The following CACNA1C variants were observed in gnomAD, a reference collection of about 807,000 sequenced individuals.
CACNA1C encodes the protein voltage-dependent L-type calcium channel subunit alpha-1C.
CACNA1C carries 30 observed loss-of-function variants against 229.0 expected under a neutral mutation model. The observed-to-expected ratio is 0.13, with a 90% CI of 0.10 to 0.18. The LOEUF is 0.18. CACNA1C is among the 10% of genes least tolerant of loss of function. CACNA1C has a pLI of 1.00. For synonymous variants in CACNA1C, 1,114 were observed against 1,132.5 expected (o/e 0.98, Z 0.33); for missense variants, 1,658 against 2,845.0 (o/e 0.58, Z 9.49).
chr12:2,532,827 C>A (rs541964341), intron 9 of CACNA1C, among the ~76,000 whole-genome samples: 4 of 152,198 alleles, frequency 2.6e-5, no homozygotes, highest in Non-Finnish European at 5.9e-5. Context: ...CCCAGGCAGT[C>A]GGGCCCAGGT....
At chr12:2,300,350 C>T (rs948933304) in intron 3 of CACNA1C, among the ~76,000 whole-genome samples, 10 of 152,170 alleles carry the variant, frequency 6.6e-5, no homozygotes, top group Non-Finnish European at 1.2e-4. Flanking sequence ...GCACGGCGGG[C>T]GGCTCATGCC....
At chr12:2,386,343 C>T (rs773979092) in intron 3 of CACNA1C, among the ~76,000 whole-genome samples, 1 of 152,162 alleles carries the variant, frequency 6.6e-6, no homozygotes, top group Admixed American at 6.5e-5. Context: ...TTGAGAAGCA[C>T]CAGCCAGGAT....
intron 1 of CACNA1C, among the ~76,000 whole-genome samples, chr12:2,082,464 G>A (rs1216989745): frequency 2.0e-5 from 3 of 152,104 alleles, no homozygotes; most frequent in African/African-American, 7.2e-5. Flanking sequence ...GCCGGCTGTC[G>A]CTCCCCAGTT....
intron 1 of CACNA1C, among the ~76,000 whole-genome samples, chr12:2,097,363 G>T (rs895522078): frequency 2.0e-5 from 3 of 152,110 alleles, no homozygotes; most frequent in Non-Finnish European, 2.9e-5. Flanking sequence ...AGCCAGGATA[G>T]TCTCGATCTC....
intron 1 of CACNA1C, among the ~76,000 whole-genome samples, chr12:2,059,523 C>T (rs779658531): frequency 6.6e-6 from 1 of 151,672 alleles, no homozygotes; most frequent in Non-Finnish European, 1.5e-5. Context: ...CTCTCAGCCC[C>T]TCCCCTCCCC....
At chr12:2,289,248 A>G (rs1340814930) in intron 3 of CACNA1C, among the ~76,000 whole-genome samples, 2 of 152,150 alleles carry the variant, frequency 1.3e-5, no homozygotes, top group Non-Finnish European at 2.9e-5. Context: ...GGGAAAAAAG[A>G]GCCCATGGCC....
chr12:2,009,705 C>T (rs2044053670), intron 1 of CACNA1C, among the ~76,000 whole-genome samples: 1 of 152,136 alleles, frequency 6.6e-6, no homozygotes, highest in Non-Finnish European at 1.5e-5. Context: ...ACTCTCTCTC[C>T]CTGTGGAGGA....
In CACNA1C at chr12:2,602,832, C is replaced by T. The variant is rs1261569887; in HGVS notation, c.2960+872C>T. ...AACAGCTGATAGTGTGAATCCTACA[C>T]TTTAACTTTCAAAGCACTTCCACAT... is the stretch of plus-strand genomic sequence containing the variant. On this transcript the variant is annotated intron_variant, in intron 22 of 46. Coordinates refer to ENST00000399655, the MANE Select transcript of CACNA1C (RefSeq NM_000719.7). The surrounding 1 kb of genome is among the most constrained non-coding windows in gnomAD (Gnocchi z 4.4). Among the ~76,000 whole-genome samples the T allele has an allele frequency of 6.6e-6, 1 of 152,176 alleles. No individual in the cohort carries two copies. Among genetic ancestry groups the T allele is most frequent in the African/African-American group, 2.4e-5 (1 of 41,424 alleles).
chr12:2,491,625 AGG>A (rs2099734689), intron 6 of CACNA1C, among the ~76,000 whole-genome samples: 1 of 148,626 alleles, frequency 6.7e-6, no homozygotes, highest in African/African-American at 2.5e-5. Context: ...AAGAGAGGAG[AGG>A]AGAAGAAGGA....
chr12:2,332,720 G>A (rs1186095515), intron 3 of CACNA1C, among the ~76,000 whole-genome samples: 1 of 152,134 alleles, frequency 6.6e-6, no homozygotes. Context: ...TGTCTCTGAA[G>A]AGTTTTTAAC....
At chr12:2,111,786 C>T (rs1312599639) in intron 1 of CACNA1C, among the ~76,000 whole-genome samples, 3 of 152,118 alleles carry the variant, frequency 2.0e-5, no homozygotes, top group Non-Finnish European at 4.4e-5. Flanking sequence ...TCCAGCCTTC[C>T]CTGGCAAGCC....
chr12:1,993,825 T>C (rs548621916), intron 1 of CACNA1C, among the ~76,000 whole-genome samples: 3 of 152,310 alleles, frequency 2.0e-5, no homozygotes, highest in East Asian at 1.9e-4. Context: ...ATCACAATTA[T>C]ATGAAGAAAA....
intron 3 of CACNA1C, among the ~76,000 whole-genome samples, chr12:2,409,304 T>A (rs12422833): frequency 0.37 from 56,357 of 151,984 alleles, 10,608 homozygotes; most frequent in Admixed American, 0.49. Flanking sequence ...CCCCTAGATG[T>A]TTAGCCTCAG....
intron 1 of CACNA1C, among the ~76,000 whole-genome samples, chr12:1,980,144 C>A (rs2035687221): frequency 6.6e-6 from 1 of 152,090 alleles, no homozygotes; most frequent in Admixed American, 6.5e-5. Flanking sequence ...GCATACATAT[C>A]CACCTAAAAA....
intron 5 of CACNA1C, among the ~76,000 whole-genome samples, chr12:2,459,357 A>G (rs887902211): frequency 1.3e-5 from 2 of 151,916 alleles, no homozygotes; most frequent in African/African-American, 4.8e-5. Context: ...CTCTTAAACT[A>G]CACTATAAGC....
At chr12:2,456,371 A>G (rs970478177) in intron 4 of CACNA1C, among the ~76,000 whole-genome samples, 16 of 152,360 alleles carry the variant, frequency 1.1e-4, no homozygotes, top group Admixed American at 1.0e-3. Context: ...CCACAACAGC[A>G]GAATGATTCT....
chr12:2,101,743 AG>A (rs777056903), intron 1 of CACNA1C, among the ~76,000 whole-genome samples: 15 of 151,996 alleles, frequency 9.9e-5, no homozygotes, highest in Non-Finnish European at 1.9e-4. Context: ...GGATTAGCTG[AG>A]GGAGCCATTC....
chr12:2,296,142 G>T (rs986182992), intron 3 of CACNA1C, among the ~76,000 whole-genome samples: 2 of 152,228 alleles, frequency 1.3e-5, no homozygotes, highest in Non-Finnish European at 2.9e-5. Context: ...GGGGAGCAGA[G>T]AGACGCTGAC....
chr12:2,429,915 C>T (rs1033740672), intron 3 of CACNA1C, among the ~76,000 whole-genome samples: 1 of 152,204 alleles, frequency 6.6e-6, no homozygotes, highest in East Asian at 1.9e-4. Context: ...GAGATTTGAG[C>T]AGCGCCTTAG....
Sources: allele counts gnomAD v4.1 joint callset (sites outside exome capture counted in the v4.1 genomes callset), GRCh38; gene constraint gnomAD v4.1.1; non-coding constraint Gnocchi (gnomAD v3.1); transcripts MANE v1.5; gene names NCBI Gene and HGNC (gene_info 2026-07-23, HGNC 2026-07-21).